The following BICD2 variants were observed in gnomAD, a reference collection of about 807,000 sequenced individuals.
The protein encoded by BICD2 is BICD cargo adaptor 2, also known as protein bicaudal D homolog 2.
BICD2 carries 25 observed loss-of-function variants against 72.9 expected under a neutral mutation model. The observed-to-expected ratio is 0.34, with a 90% CI of 0.25 to 0.48. The LOEUF is 0.48. Among genes scored for constraint, BICD2 ranks in the 20% least tolerant of loss-of-function variants. The pLI is 0.99. For synonymous variants in BICD2, 501 were observed against 516.1 expected, an observed-to-expected ratio of 0.97 and a Z score of 0.40; for missense variants, 894 against 1,175.2, an observed-to-expected ratio of 0.76 and a Z score of 3.50.
chr9:92,734,082 C>T (rs1013964984), intron 1 of BICD2, among the ~76,000 whole-genome samples: 1 of 152,156 alleles, frequency 6.6e-6, no homozygotes, highest in Admixed American at 6.5e-5. Context: ...GAATAAACTA[C>T]TGCTATACAG....
Position 92,722,545 on chromosome 9 carries a change from T to G in BICD2, c.606+111A>C, listed in dbSNP as rs139023495. 21,373 of 1,428,166 alleles carry G rather than the reference T, an allele frequency of 0.015. 185 individuals carry two copies. Among genetic ancestry groups the G allele is most frequent in the Non-Finnish European group, 0.017 (17,918 of 1,048,084 alleles). 88.5% of individuals were successfully genotyped at this position (1,428,166 alleles called of 1,614,324 possible). A position where few individuals can be genotyped will look rare whatever the true frequency, so the allele number is the denominator to read the frequency against. Reference sequence around the variant, plus strand: ...GGTAAAGCTGGCCCTGGGCCTCGGGTGTGTGGAATAAGACAGGAACCCCTT... The same window carrying G: ...GGTAAAGCTGGCCCTGGGCCTCGGGGGTGTGGAATAAGACAGGAACCCCTT... On this transcript the variant is annotated intron_variant, in intron 3 of 6. Coordinates refer to ENST00000356884, the MANE Select transcript of BICD2 (RefSeq NM_001003800.2).
intron 1 of BICD2, among the ~76,000 whole-genome samples, chr9:92,731,341 T>C (rs1853675041): frequency 6.6e-6 from 1 of 152,154 alleles, no homozygotes. Context: ...CTGGATCTTT[T>C]CCTCTGCTTA....
At position 92,711,437 on chromosome 9, in the gene BICD2, G is replaced by A. The variant is rs556; in HGVS notation, c.*3717C>T. The A allele has an allele frequency of 0.28, 42,218 of 152,354 alleles. 6,926 individuals carry two copies. Among genetic ancestry groups the A allele is most frequent in the East Asian group, 0.76 (3,933 of 5,166 alleles). 9.4% of individuals were successfully genotyped at this position (152,354 alleles called of 1,614,324 possible). A position where few individuals can be genotyped will look rare whatever the true frequency, so the allele number is the denominator to read the frequency against. ...TTACCCAGGCCCACTGTTCCTATGC[G>A]CACTGGCTTTGTAGGCATTCACATC... On this transcript the variant is annotated 3_prime_UTR_variant, in exon 7 of 7. Coordinates refer to ENST00000356884, the MANE Select transcript of BICD2 (RefSeq NM_001003800.2).
chr9:92,757,978 T>C (rs1303516952), intron 1 of BICD2, among the ~76,000 whole-genome samples: 2 of 136,882 alleles, frequency 1.5e-5, no homozygotes, highest in Non-Finnish European at 3.2e-5. Context: ...CTGAGGCGAG[T>C]GGATCATCTG....
intron 6 of BICD2, among the ~76,000 whole-genome samples, chr9:92,717,046 A>G (rs1853330643): frequency 6.6e-6 from 1 of 152,240 alleles, no homozygotes; most frequent in Admixed American, 6.5e-5. Flanking sequence ...GGACCCCAGC[A>G]GTGACCTGCT....
At position 92,756,323 on chromosome 9, in the gene BICD2, A is replaced by G. The variant is rs528691407; in HGVS notation, c.240+8182T>C. 2.8e-3 allele frequency among the ~76,000 whole-genome samples: 423 copies of G among 150,488 alleles called. 1 individual carries two copies. Among genetic ancestry groups the G allele is most frequent in the African/African-American group, 9.9e-3 (404 of 40,892 alleles). On this transcript the variant is annotated intron_variant, in intron 1 of 6. Transcript: ENST00000356884. ...GTTGCCCAGGCTGGAGTGCAGTGGC[A>G]CGATCTCGGCTCACTGCAAGCTCCG... is the stretch of plus-strand genomic sequence containing the variant.
chr9:92,749,521 C>T (rs1032310094), intron 1 of BICD2, among the ~76,000 whole-genome samples: 12 of 152,372 alleles, frequency 7.9e-5, no homozygotes, highest in African/African-American at 2.6e-4. Context: ...AGGCCCACAT[C>T]AATCGGAAGC....
At chr9:92,724,198 G>A (rs536572251) in intron 2 of BICD2, among the ~76,000 whole-genome samples, 1 of 152,140 alleles carries the variant, frequency 6.6e-6, no homozygotes, top group Admixed American at 6.5e-5. Flanking sequence ...CCATAGCTTC[G>A]CCCACCTCTC....
At chr9:92,751,136 TGTTG>T (rs1372344377) in intron 1 of BICD2, among the ~76,000 whole-genome samples, 5 of 124,340 alleles carry the variant, frequency 4.0e-5, no homozygotes, top group African/African-American at 1.4e-4. Context: ...GTTGGTTTTT[TGTTG>T]TTGTTGTTGT....
chr9:92,740,689 AC>A (rs1853882217), intron 1 of BICD2, among the ~76,000 whole-genome samples: 1 of 152,160 alleles, frequency 6.6e-6, no homozygotes, highest in Non-Finnish European at 1.5e-5. Flanking sequence ...AAAAGAAAAA[AC>A]AAAGCAACCA....
At chr9:92,759,748 C>G (rs934723422) in intron 1 of BICD2, among the ~76,000 whole-genome samples, 3 of 152,250 alleles carry the variant, frequency 2.0e-5, no homozygotes, top group Non-Finnish European at 4.4e-5. Context: ...CCACCTCAAA[C>G]AGCTGGTGTA....
At chr9:92,743,100 T>C (rs150979586) in intron 1 of BICD2, among the ~76,000 whole-genome samples, 117 of 152,360 alleles carry the variant, frequency 7.7e-4, no homozygotes, top group African/African-American at 2.6e-3. Flanking sequence ...ACTTGCAACA[T>C]AGGAGGATTC....
chr9:92,762,330 G>C (rs142614328), intron 1 of BICD2, among the ~76,000 whole-genome samples: 1 of 152,092 alleles, frequency 6.6e-6, no homozygotes, highest in Non-Finnish European at 1.5e-5. Flanking sequence ...TGAGGAACAC[G>C]CATGCTGTTG....
intron 1 of BICD2, among the ~76,000 whole-genome samples, chr9:92,744,989 AAACAT>A (rs1461871546): frequency 2.0e-5 from 3 of 152,372 alleles, no homozygotes; most frequent in South Asian, 2.1e-4. Context: ...ACCCCAAACC[AAACAT>A]ATCACAGGGA....
chr9:92,735,758 T>C (rs190736713), intron 1 of BICD2, among the ~76,000 whole-genome samples: 1 of 152,194 alleles, frequency 6.6e-6, no homozygotes, highest in Admixed American at 6.5e-5. Flanking sequence ...GCAGAAACAG[T>C]AATGGCCTGC....
At position 92,715,295 on chromosome 9, in the gene BICD2, G is replaced by T; in HGVS notation, c.2427C>A (p.Gly809=). The stretch of plus-strand genomic sequence containing the variant: ...TGGTCTTCGGGGCGGCTTTGGCACG[G>T]CCACGCCGGGTCTGCTCATGGTCCA... ...LELDHEQTRR[G]RAKAAPKTKP... Residue 809 remains glycine (G), a synonymous_variant, in exon 7 of 7, where the codon GGC becomes GGA. Transcript: ENST00000356884. 6.2e-7 allele frequency: 1 copy of T among 1,612,726 alleles called. No individual in the cohort carries two copies. The highest frequency in any genetic ancestry group is 8.5e-7 in the Non-Finnish European group (1 of 1,179,834).
chr9:92,763,479 T>G (rs966756375), intron 1 of BICD2, among the ~76,000 whole-genome samples: 7 of 152,172 alleles, frequency 4.6e-5, no homozygotes, highest in Non-Finnish European at 8.8e-5. Flanking sequence ...ACTCCCATTT[T>G]GCAGAGGGGG....
intron 1 of BICD2, among the ~76,000 whole-genome samples, chr9:92,733,844 G>A (rs973406093): frequency 5.9e-5 from 9 of 152,114 alleles, no homozygotes; most frequent in East Asian, 5.8e-4. Flanking sequence ...GCGGGCGCCC[G>A]TAGTCCCAGC....
intron 5 of BICD2, 152 bp downstream of exon 5, chr9:92,718,387 A>C: frequency 1.1e-6 from 1 of 905,352 alleles, no homozygotes; most frequent in Non-Finnish European, 1.6e-6. Context: ...TGAGCAGGGG[A>C]GGGTAGGCAG....
Sources: allele counts gnomAD v4.1 joint callset (sites outside exome capture counted in the v4.1 genomes callset), GRCh38; gene constraint gnomAD v4.1.1; transcripts MANE v1.5; gene names NCBI Gene and HGNC (gene_info 2026-07-23, HGNC 2026-07-21).